The following DOK6 variants were observed in gnomAD, a reference collection of about 807,000 sequenced individuals.
DOK6 encodes docking protein 6.
DOK6 carries 22 observed loss-of-function variants against 44.0 expected under a neutral mutation model. That is an observed-to-expected ratio of 0.50 (90% CI 0.36 to 0.71). DOK6 has a LOEUF of 0.71. DOK6 is among the 30% of genes least tolerant of loss of function. DOK6 has a pLI of 0.00. For missense variants in DOK6, 340 were observed against 416.4 expected, an observed-to-expected ratio of 0.82 and a Z score of 1.60; for synonymous variants, 166 against 145.5, an observed-to-expected ratio of 1.14 and a Z score of -1.01.
chr18:69,483,557 C>T (rs1208804902), intron 1 of DOK6: 4 of 152,116 alleles, frequency 2.6e-5, no homozygotes, highest in Admixed American at 1.3e-4. Context: ...CTACGAAGTA[C>T]TCAGTTGTCT....
At chr18:69,420,066 TTTA>T (rs1978444127) in intron 1 of DOK6, among the ~76,000 whole-genome samples, 1 of 152,150 alleles carries the variant, frequency 6.6e-6, no homozygotes. Flanking sequence ...TTCAACTAAA[TTTA>T]TTTTTTGACA....
In DOK6 at chr18:69,547,182, C is replaced by A. The variant is rs1599184958; in HGVS notation, c.67-17305C>A. On this transcript the variant is annotated intron_variant, in intron 1 of 7. Transcript: ENST00000382713. ...GTGGTGTGATCTTGGCTCACTGCAA[C>A]CTCTGCCTCCTGTGTTCAAGCAATT... Among the ~76,000 whole-genome samples the A allele has an allele frequency of 2.0e-5, 3 of 151,676 alleles. No individual in the cohort carries two copies. The South Asian group carries it at 6.3e-4, about 32-fold the overall frequency.
chr18:69,654,369 C>T (rs1372574726), intron 3 of DOK6, among the ~76,000 whole-genome samples: 1 of 152,150 alleles, frequency 6.6e-6, no homozygotes, highest in Non-Finnish European at 1.5e-5. Context: ...TGAACAGGGA[C>T]ACACACATGC....
chr18:69,522,248 G>A (rs58033899), intron 1 of DOK6, among the ~76,000 whole-genome samples: 5,108 of 151,698 alleles, frequency 0.034, 269 homozygotes, highest in African/African-American at 0.11. Context: ...ACACACACAC[G>A]AGTTACCCAT....
chr18:69,827,569 T>G (rs774220324), intron 7 of DOK6, among the ~76,000 whole-genome samples: 2 of 152,038 alleles, frequency 1.3e-5, no homozygotes, highest in Non-Finnish European at 2.9e-5. Context: ...CTTTATCAAG[T>G]TAAGCAAATT....
chr18:69,499,674 C>T (rs1178561953), intron 1 of DOK6, among the ~76,000 whole-genome samples: 1 of 152,140 alleles, frequency 6.6e-6, no homozygotes, highest in African/African-American at 2.4e-5. Context: ...GCTTCCTACT[C>T]CATATTCTTT....
At chr18:69,423,954 T>A (rs1376458850) in intron 1 of DOK6, among the ~76,000 whole-genome samples, 2 of 152,220 alleles carry the variant, frequency 1.3e-5, no homozygotes, top group African/African-American at 4.8e-5. Context: ...TTTCTTTAAA[T>A]AATATTTGCT....
chr18:69,676,144 T>A (rs1985917554), intron 3 of DOK6, among the ~76,000 whole-genome samples: 1 of 152,142 alleles, frequency 6.6e-6, no homozygotes, highest in African/African-American at 2.4e-5. Flanking sequence ...ATGCCTTACA[T>A]CAGTGAGGGG....
intron 6 of DOK6, among the ~76,000 whole-genome samples, chr18:69,755,840 C>T (rs760578316): frequency 6.6e-6 from 1 of 152,152 alleles, no homozygotes. Context: ...GGCATGTGAA[C>T]ACATTGAAGG....
intron 4 of DOK6, among the ~76,000 whole-genome samples, chr18:69,679,280 T>C (rs565310271): frequency 6.6e-6 from 1 of 152,396 alleles, no homozygotes; most frequent in South Asian, 2.1e-4. Context: ...ATTCTCATTA[T>C]TACTAATAAC....
chr18:69,693,888 C>T (rs1599267164), intron 4 of DOK6, among the ~76,000 whole-genome samples: 1 of 151,614 alleles, frequency 6.6e-6, no homozygotes, highest in Non-Finnish European at 1.5e-5. Flanking sequence ...GAAACCCCGC[C>T]TCTACTAAAA....
intron 1 of DOK6, among the ~76,000 whole-genome samples, chr18:69,536,979 C>CATTATTATT (rs6146369): frequency 0.09 from 12,997 of 144,712 alleles, 635 homozygotes; most frequent in Non-Finnish European, 0.1. Flanking sequence ...GAAGATTTAT[C>CATTATTATT]ATTATTATTA....
intron 1 of DOK6, among the ~76,000 whole-genome samples, chr18:69,419,099 A>G (rs1010819544): frequency 6.6e-6 from 1 of 152,152 alleles, no homozygotes; most frequent in African/African-American, 2.4e-5. Flanking sequence ...ATTGACTTTA[A>G]AAACAAACAG....
intron 1 of DOK6, among the ~76,000 whole-genome samples, chr18:69,488,735 T>G (rs1317328140): frequency 6.6e-6 from 1 of 152,090 alleles, no homozygotes; most frequent in African/African-American, 2.4e-5. Context: ...ATGATTCAAT[T>G]ACCTCCTACC....
chr18:69,549,941 A>G (rs765934889), intron 1 of DOK6, among the ~76,000 whole-genome samples: 1 of 150,428 alleles, frequency 6.6e-6, no homozygotes, highest in Middle Eastern at 3.4e-3. Context: ...ATAAAGATAT[A>G]TTAAATAAGA....
intron 2 of DOK6, among the ~76,000 whole-genome samples, chr18:69,567,544 G>A (rs111695984): frequency 0.015 from 2,332 of 152,298 alleles, 60 homozygotes; most frequent in African/African-American, 0.052. Flanking sequence ...TGTGACTGGA[G>A]TGTAGGAAAA....
At chr18:69,612,399 T>G (rs369890128) in intron 3 of DOK6, among the ~76,000 whole-genome samples, 3 of 62,480 alleles carry the variant, frequency 4.8e-5, no homozygotes, top group East Asian at 3.1e-4. Context: ...CGAAGAGACT[T>G]TGTGTGCGAG....
chr18:69,469,041 G>A (rs1980010756), intron 1 of DOK6, among the ~76,000 whole-genome samples: 1 of 152,194 alleles, frequency 6.6e-6, no homozygotes, highest in African/African-American at 2.4e-5. Context: ...TCAGGGGAGA[G>A]GATGAAGATG....
intron 2 of DOK6, among the ~76,000 whole-genome samples, chr18:69,572,670 AG>A (rs1225907485): frequency 3.9e-5 from 6 of 152,194 alleles, no homozygotes; most frequent in Admixed American, 6.5e-5. Flanking sequence ...ATAGAAATCT[AG>A]GGAAAAGAAC....
Sources: gnomAD v4.1 joint callset for allele counts (sites outside exome capture counted in the v4.1 genomes callset) on GRCh38, gnomAD v4.1.1 for gene constraint, MANE v1.5 for transcripts, NCBI Gene and HGNC (gene_info 2026-07-23, HGNC 2026-07-21) for gene names.